The following RIMS2 variants were observed in gnomAD, a reference collection of about 807,000 sequenced individuals.
RIMS2 encodes regulating synaptic membrane exocytosis protein 2.
Under a neutral mutation model 174.4 loss-of-function variants are expected in RIMS2, and 59 were observed. The observed-to-expected ratio is 0.34, with a 90% CI of 0.27 to 0.42. RIMS2 has a LOEUF of 0.42. Ranked by LOEUF, RIMS2 falls within the 10% of genes least tolerant of loss-of-function variation. The pLI is 1.00. For missense variants in RIMS2, 1,620 were observed against 1,666.3 expected, an observed-to-expected ratio of 0.97 and a Z score of 0.48; for synonymous variants, 606 against 572.5, an observed-to-expected ratio of 1.06 and a Z score of -0.84.
chr8:103,616,774 T>C (rs7818492), intron 1 of RIMS2, among the ~76,000 whole-genome samples: 27,713 of 152,004 alleles, frequency 0.18, 2,772 homozygotes, highest in African/African-American at 0.26. Flanking sequence ...CATTCACAAT[T>C]GCCACACAAA....
intron 3 of RIMS2, among the ~76,000 whole-genome samples, chr8:103,881,390 C>T (rs1255051182): frequency 2.0e-5 from 3 of 151,324 alleles, no homozygotes; most frequent in Non-Finnish European, 3.0e-5. Context: ...GTATTAGTAA[C>T]ACAAATCACT....
chr8:104,055,345 G>A (rs1477458565), intron 19 of RIMS2, among the ~76,000 whole-genome samples: 2 of 152,036 alleles, frequency 1.3e-5, no homozygotes, highest in Non-Finnish European at 2.9e-5. Flanking sequence ...AAAAAGTTGA[G>A]GATAAGATGT....
chr8:103,596,991 A>G (rs933023831), intron 1 of RIMS2, among the ~76,000 whole-genome samples: 6 of 152,114 alleles, frequency 3.9e-5, no homozygotes, highest in African/African-American at 7.2e-5. Flanking sequence ...TGTTATTTCC[A>G]TAGCATTGTT....
At chr8:103,915,430 C>A in intron 6 of RIMS2, 65 bp from the exon 10 acceptor site, 3 of 894,774 alleles carry the variant, frequency 3.4e-6, no homozygotes, top group South Asian at 1.8e-5. Flanking sequence ...TATTCTTTTA[C>A]CTGAATCTTC....
At chr8:103,946,126 G>A (rs1208001127) in intron 14 of RIMS2, among the ~76,000 whole-genome samples, 1 of 152,120 alleles carries the variant, frequency 6.6e-6, no homozygotes, top group Non-Finnish European at 1.5e-5. Flanking sequence ...TAATAAACAA[G>A]GAGAGCAAGG....
chr8:104,223,513 GCA>G, intron 19 of RIMS2: 2 of 1,404,086 alleles, frequency 1.4e-6, no homozygotes, highest in Non-Finnish European at 1.8e-6. Context: ...GGTCAGGGAG[GCA>G]GGGGCCAGAG....
intron 1 of RIMS2, chr8:103,559,426 A>C (rs912321887): frequency 2.8e-6 from 1 of 351,268 alleles, no homozygotes; most frequent in Non-Finnish European, 5.3e-6. Flanking sequence ...GCAGGGGATT[A>C]AAAAGAAAGA....
chr8:103,563,548 G>A (rs2091927071), intron 1 of RIMS2, among the ~76,000 whole-genome samples: 1 of 152,120 alleles, frequency 6.6e-6, no homozygotes, highest in South Asian at 2.1e-4. Context: ...CATTCAACAA[G>A]TCACTAGGGA....
At chr8:103,797,275 A>G (rs1043647802) in intron 3 of RIMS2, among the ~76,000 whole-genome samples, 16 of 152,210 alleles carry the variant, frequency 1.1e-4, no homozygotes, top group Non-Finnish European at 1.9e-4. Context: ...AAAGGATACC[A>G]TTATTAATGC....
intron 2 of RIMS2, among the ~76,000 whole-genome samples, chr8:103,722,510 A>G (rs969524216): frequency 1.3e-5 from 2 of 152,074 alleles, no homozygotes; most frequent in Non-Finnish European, 2.9e-5. Context: ...GATCCCTCCC[A>G]TGTGCAGTTC....
At chr8:103,934,304 AT>A (rs1197392125) in intron 12 of RIMS2, among the ~76,000 whole-genome samples, 3 of 152,114 alleles carry the variant, frequency 2.0e-5, no homozygotes, top group African/African-American at 7.2e-5. Context: ...TTAGGCTTTT[AT>A]TTTAAAATGA....
At chr8:103,903,750 G>A (rs1417400918) in intron 4 of RIMS2, among the ~76,000 whole-genome samples, 3 of 152,004 alleles carry the variant, frequency 2.0e-5, no homozygotes, top group East Asian at 1.9e-4. Flanking sequence ...TCTCTACATC[G>A]TGCTGACAAG....
At chr8:103,773,143 A>G (rs1006627719) in intron 3 of RIMS2, among the ~76,000 whole-genome samples, 1 of 149,534 alleles carries the variant, frequency 6.7e-6, no homozygotes, top group Non-Finnish European at 1.5e-5. Context: ...CTATAAAATG[A>G]AAAAAAAAAT....
chr8:103,708,942 T>A (rs2097267144), intron 2 of RIMS2, among the ~76,000 whole-genome samples: 1 of 152,180 alleles, frequency 6.6e-6, no homozygotes, highest in Admixed American at 6.6e-5. Flanking sequence ...GTCCTACAGC[T>A]CACTTATGTT....
chr8:103,743,902 TGAGA>T (rs144412428), intron 2 of RIMS2, among the ~76,000 whole-genome samples: 4,727 of 152,292 alleles, frequency 0.031, 219 homozygotes, highest in African/African-American at 0.11. Flanking sequence ...CTTCATTGAT[TGAGA>T]GAATCAAATG....
chr8:103,559,488 T>A, intron 1 of RIMS2: 1 of 287,960 alleles, frequency 3.5e-6, no homozygotes, highest in Middle Eastern at 1.1e-3. Flanking sequence ...GCTGTGGAGG[T>A]GGCTGCTGTG....
intron 19 of RIMS2, among the ~76,000 whole-genome samples, chr8:104,193,735 G>T (rs1275407832): frequency 6.6e-6 from 1 of 152,130 alleles, no homozygotes; most frequent in African/African-American, 2.4e-5. Flanking sequence ...GTGTTTCTTT[G>T]ATAACCAATG....
intron 19 of RIMS2, among the ~76,000 whole-genome samples, chr8:104,125,364 T>C (rs1395849439): frequency 6.6e-6 from 1 of 152,206 alleles, no homozygotes; most frequent in Non-Finnish European, 1.5e-5. Flanking sequence ...TCCTCAAGTT[T>C]TATGATTTCT....
chr8:104,248,891 TTCTCTCTC>T (rs368851079), intron 21 of RIMS2, 78 bp downstream of exon 27: 5 of 629,248 alleles, frequency 7.9e-6, no homozygotes, highest in South Asian at 3.7e-5. Context: ...TCATAGAATC[TTCTCTCTC>T]TCTCTCTCTC....
Sources: allele counts gnomAD v4.1 joint callset (sites outside exome capture counted in the v4.1 genomes callset), GRCh38; gene constraint gnomAD v4.1.1; transcripts MANE v1.5; gene names NCBI Gene and HGNC (gene_info 2026-07-23, HGNC 2026-07-21).